Variants in PARD3 observed in about 807,000 individuals in gnomAD.
PARD3 encodes the protein partitioning defective 3 homolog.
Under a neutral mutation model 155.4 loss-of-function variants are expected in PARD3, and 75 were observed. That is an observed-to-expected ratio of 0.48 (90% CI 0.40 to 0.58). The LOEUF (loss-of-function observed/expected upper bound fraction) is 0.58, where lower values mean the gene tolerates loss of function less well. Ranked by LOEUF, PARD3 falls within the 20% of genes least tolerant of loss-of-function variation. The pLI is 0.00. For synonymous variants in PARD3, 576 were observed against 610.5 expected (o/e 0.94, Z 0.83); for missense variants, 1,642 against 1,721.7 (o/e 0.95, Z 0.82).
intron 22 of PARD3, among the ~76,000 whole-genome samples, chr10:34,174,529 C>T (rs1949949712): frequency 6.6e-6 from 1 of 152,150 alleles, no homozygotes; most frequent in Admixed American, 6.5e-5. Flanking sequence ...GGCGTGGAGT[C>T]CTGAAACCCT....
intron 3 of PARD3, among the ~76,000 whole-genome samples, chr10:34,482,032 CTTTTTTT>C (rs58877037): frequency 9.8e-6 from 1 of 101,598 alleles, no homozygotes; most frequent in Non-Finnish European, 1.8e-5. Context: ...TAATTTTTAT[CTTTTTTT>C]TTTTTTTTTT....
Position 34,650,325 on chromosome 10 carries a change from C to A in PARD3, c.222+45993G>T, listed in dbSNP as rs540860975. Reference sequence around the variant, plus strand: ...AGGTCGACACTACGACGTCACTAGACAATAGGAACTTCTCAGTTCCATTAT... The same window carrying A: ...AGGTCGACACTACGACGTCACTAGAAAATAGGAACTTCTCAGTTCCATTAT... On this transcript the variant is annotated intron_variant, in intron 2 of 24. Transcript: ENST00000374788. 2.6e-5 allele frequency among the ~76,000 whole-genome samples: 4 copies of A among 152,348 alleles called. No homozygotes were observed. The East Asian group carries it at 7.7e-4, about 29-fold the overall frequency.
intron 19 of PARD3, among the ~76,000 whole-genome samples, chr10:34,326,580 C>T (rs576378331): frequency 6.6e-6 from 1 of 152,128 alleles, no homozygotes; most frequent in African/African-American, 2.4e-5. Context: ...ATTATTTTTG[C>T]TGAAATAGGT....
At chr10:34,151,265 C>T (rs1948768982) in intron 22 of PARD3, among the ~76,000 whole-genome samples, 1 of 151,564 alleles carries the variant, frequency 6.6e-6, no homozygotes, top group Non-Finnish European at 1.5e-5. Flanking sequence ...AAAGATTTCA[C>T]CAAGAAACGT....
chr10:34,325,346 C>A (rs1055709580), intron 19 of PARD3, among the ~76,000 whole-genome samples: 1 of 152,122 alleles, frequency 6.6e-6, no homozygotes, highest in Admixed American at 6.6e-5. Flanking sequence ...TACACACCAA[C>A]CTAACAGAAC....
At chr10:34,791,967 C>T (rs1841687583) in intron 1 of PARD3, among the ~76,000 whole-genome samples, 1 of 152,190 alleles carries the variant, frequency 6.6e-6, no homozygotes, top group Non-Finnish European at 1.5e-5. Flanking sequence ...GGACTTCCCT[C>T]TCTGCTTCCT....
chr10:34,229,177 C>T (rs902308885), intron 22 of PARD3, among the ~76,000 whole-genome samples: 1 of 152,056 alleles, frequency 6.6e-6, no homozygotes, highest in Non-Finnish European at 1.5e-5. Flanking sequence ...ACTGCTTCTG[C>T]ATGAGATGCC....
intron 14 of PARD3, among the ~76,000 whole-genome samples, chr10:34,356,653 A>T (rs1838910104): frequency 1.3e-5 from 2 of 152,230 alleles, no homozygotes; most frequent in African/African-American, 2.4e-5. Context: ...CCCTGTGCTT[A>T]TATCAATATT....
chr10:34,196,626 T>C (rs1270861822), intron 22 of PARD3, among the ~76,000 whole-genome samples: 1 of 140,614 alleles, frequency 7.1e-6, no homozygotes, highest in Non-Finnish European at 1.5e-5. Flanking sequence ...CAGGCTGGAG[T>C]GCAGTGGCTC....
At chr10:34,628,395 T>C (rs2092089757) in intron 2 of PARD3, among the ~76,000 whole-genome samples, 1 of 152,242 alleles carries the variant, frequency 6.6e-6, no homozygotes, top group Admixed American at 6.5e-5. Flanking sequence ...ATTGAATTCC[T>C]GCTACAATTT....
chr10:34,641,329 C>T (rs901307683), intron 2 of PARD3, among the ~76,000 whole-genome samples: 3 of 152,226 alleles, frequency 2.0e-5, no homozygotes, highest in Non-Finnish European at 4.4e-5. Context: ...CCGGCACCTG[C>T]CCGCACCCTG....
intron 2 of PARD3, among the ~76,000 whole-genome samples, chr10:34,564,467 C>CACAG: frequency 6.6e-6 from 1 of 152,274 alleles, no homozygotes; most frequent in Non-Finnish European, 1.5e-5. Context: ...AGGCAAAAGA[C>CACAG]ACAGGTCTTG....
At chr10:34,111,949 C>T (rs989622062) in intron 24 of PARD3, among the ~76,000 whole-genome samples, 9 of 152,160 alleles carry the variant, frequency 5.9e-5, no homozygotes, top group African/African-American at 1.2e-4. Flanking sequence ...AATAATTGCT[C>T]GCTTTAGAAC....
At chr10:34,800,834 T>G (rs958339465) in intron 1 of PARD3, among the ~76,000 whole-genome samples, 1 of 152,074 alleles carries the variant, frequency 6.6e-6, no homozygotes, top group African/African-American at 2.4e-5. Flanking sequence ...TGCAAGAGCT[T>G]TCGATCATGA....
At chr10:34,699,988 A>C (rs1258742199) in intron 1 of PARD3, among the ~76,000 whole-genome samples, 1 of 152,270 alleles carries the variant, frequency 6.6e-6, no homozygotes, top group Non-Finnish European at 1.5e-5. Context: ...AGAACATTCA[A>C]CTAAAAAAGA....
At chr10:34,650,490 G>A (rs2092974643) in intron 2 of PARD3, among the ~76,000 whole-genome samples, 1 of 152,220 alleles carries the variant, frequency 6.6e-6, no homozygotes, top group South Asian at 2.1e-4. Context: ...CGAATAGGGT[G>A]TGCAGTGAGA....
chr10:34,452,575 C>T (rs1325688772), intron 4 of PARD3, among the ~76,000 whole-genome samples: 1 of 152,182 alleles, frequency 6.6e-6, no homozygotes, highest in Non-Finnish European at 1.5e-5. Flanking sequence ...CAGTATGCTA[C>T]TGGTACCCAC....
rs184145324 is a variant in PARD3, at chr10:34,353,418, C to G, written c.2068-5303G>C. On this transcript the variant is annotated intron_variant, in intron 14 of 24. Transcript: ENST00000374788. ...ATGCTGTTAATCTATAACCTTACCC[C>G]CAACCCCGTGCTCTCTGAAACATGT... Among the ~76,000 whole-genome samples, 1,186 of 152,222 alleles carry G rather than the reference C, an allele frequency of 7.8e-3. 17 individuals carry two copies. The highest frequency in any genetic ancestry group is 0.027 in the African/African-American group (1,126 of 41,538).
chr10:34,152,484 G>C (rs755151274), intron 22 of PARD3, among the ~76,000 whole-genome samples: 38 of 152,112 alleles, frequency 2.5e-4, no homozygotes, highest in Admixed American at 7.2e-4. Flanking sequence ...ATATAGAAAA[G>C]GTACAGTACA....
Sources: gnomAD v4.1 joint callset for allele counts (sites outside exome capture counted in the v4.1 genomes callset) on GRCh38, gnomAD v4.1.1 for gene constraint, MANE v1.5 for transcripts, NCBI Gene and HGNC (gene_info 2026-07-23, HGNC 2026-07-21) for gene names.